The following ORC4 variants were observed in gnomAD, a reference collection of about 807,000 sequenced individuals.
ORC4 encodes the protein origin recognition complex, subunit 4 homolog.
Under a neutral mutation model 63.9 loss-of-function variants are expected in ORC4, and 55 were observed. The ratio of observed to expected loss-of-function variants is 0.86; its 90% CI spans 0.69 to 1.08. The LOEUF (loss-of-function observed/expected upper bound fraction) is 1.08. Ranked by LOEUF, ORC4 falls within the 50% of genes least tolerant of loss-of-function variation. The pLI is 0.00. For missense variants in ORC4, 511 were observed against 504.4 expected (o/e 1.01, Z -0.13); for synonymous variants, 150 against 168.5 (o/e 0.89, Z 0.85).
intron 4 of ORC4, chr2:147,960,291 G>C (rs1309147779): frequency 1.0e-6 from 1 of 984,774 alleles, no homozygotes; most frequent in East Asian, 1.1e-4. Context: ...AATATTTTAT[G>C]GGTTGTGTGT....
intron 4 of ORC4, among the ~76,000 whole-genome samples, chr2:147,964,137 T>C (rs1031887936): frequency 1.3e-5 from 2 of 151,740 alleles, no homozygotes; most frequent in East Asian, 3.9e-4. Flanking sequence ...ATACAGAAAA[T>C]GCCAGAAGAA....
At chr2:147,945,250 C>T (rs1171429372) in intron 9 of ORC4, among the ~76,000 whole-genome samples, 2 of 152,084 alleles carry the variant, frequency 1.3e-5, no homozygotes, top group Non-Finnish European at 2.9e-5. Flanking sequence ...TGACATGATG[C>T]TTCAAAGGTT....
chr2:148,017,685 A>G (rs1024658765), intron 1 of ORC4, among the ~76,000 whole-genome samples: 6 of 152,214 alleles, frequency 3.9e-5, no homozygotes, highest in African/African-American at 1.4e-4. Flanking sequence ...GGGGGAAAAA[A>G]TCTCCAAAAA....
intron 1 of ORC4, among the ~76,000 whole-genome samples, chr2:147,977,669 AC>A (rs1690643264): frequency 1.3e-5 from 2 of 152,186 alleles, no homozygotes; most frequent in African/African-American, 4.8e-5. Flanking sequence ...GGACCTTGTT[AC>A]CAGGGGCTGT....
intron 1 of ORC4, among the ~76,000 whole-genome samples, chr2:147,994,111 A>G (rs2105410741): frequency 6.6e-6 from 1 of 152,330 alleles, no homozygotes; most frequent in Non-Finnish European, 1.5e-5. Flanking sequence ...TACATTAGCA[A>G]CAACAACAAA....
At chr2:148,003,008 T>C (rs951257836) in intron 1 of ORC4, among the ~76,000 whole-genome samples, 1 of 152,170 alleles carries the variant, frequency 6.6e-6, no homozygotes, top group Non-Finnish European at 1.5e-5. Context: ...CTAGAAAATC[T>C]AGAAGAAATG....
intron 4 of ORC4, among the ~76,000 whole-genome samples, chr2:147,972,519 GA>G (rs1690275604): frequency 1.3e-5 from 2 of 151,622 alleles, no homozygotes; most frequent in Admixed American, 6.6e-5. Context: ...AAATAAGGGG[GA>G]AAAAGGTCTG....
chr2:147,950,764 CA>C (rs70992182), intron 8 of ORC4, among the ~76,000 whole-genome samples: 83 of 111,564 alleles, frequency 7.4e-4, no homozygotes, highest in Admixed American at 8.4e-4. Flanking sequence ...GACTCCATCT[CA>C]AAAAAAAAAA....
Position 147,948,063 on chromosome 2 carries a change from A to C in ORC4, c.750T>G (p.Asn250Lys). Reference protein sequence around the residue: ...FPDKVFAEKWNENVQYLSEDR... With the variant: ...FPDKVFAEKWKENVQYLSEDR... ...CCTTTTAAGATACCTGAACATTTTC[A>C]TTCCACTTCTCAGCAAAAACCTTGT... The change falls in exon 9 of 14, where the codon AAT becomes AAG. Residue 250 changes from asparagine to lysine, a missense_variant. Coordinates refer to ENST00000392857, the MANE Select transcript of ORC4 (RefSeq NM_181741.4). The C allele has an allele frequency of 6.2e-7, 1 of 1,611,398 alleles. No individual in the cohort carries two copies. Among genetic ancestry groups the C allele is most frequent in the Non-Finnish European group, 8.5e-7 (1 of 1,177,834 alleles).
At chr2:148,005,462 T>G (rs1692567320) in intron 1 of ORC4, among the ~76,000 whole-genome samples, 1 of 151,590 alleles carries the variant, frequency 6.6e-6, no homozygotes, top group Admixed American at 6.6e-5. Context: ...AGATGACAGG[T>G]TAATGACACG....
intron 8 of ORC4, among the ~76,000 whole-genome samples, chr2:147,950,018 G>A (rs1230726529): frequency 6.6e-6 from 1 of 152,142 alleles, no homozygotes; most frequent in African/African-American, 2.4e-5. Context: ...AGTTTGGGAA[G>A]GTGGACAGGA....
rs55869341 is a variant in ORC4 at position 148,005,656 on chromosome 2, C to CAAAAAA, written c.-18+14971_-18+14976dup. Among the ~76,000 whole-genome samples the CAAAAAA allele has an allele frequency of 6.7e-3, 342 of 51,318 alleles. 2 individuals carry two copies. The highest frequency in any genetic ancestry group is 9.8e-3 in the African/African-American group (126 of 12,818). The allele number at this position is 51,318 out of a possible 152,430, so 33.7% of individuals were successfully genotyped here. On this transcript the variant is annotated intron_variant, in intron 1 of 13. Coordinates refer to ENST00000392857, the MANE Select transcript of ORC4 (RefSeq NM_181741.4). ...ACACCAAACTGAACAACTATCCATG[C>CAAAAAA]AAAAAAAAAAAAAAAAAAAAAAAAC...
chr2:147,977,796 T>A (rs1427934891), intron 1 of ORC4, among the ~76,000 whole-genome samples: 1 of 152,112 alleles, frequency 6.6e-6, no homozygotes, highest in East Asian at 1.9e-4. Context: ...GTGTGGATGG[T>A]TTGGCTTTCT....
intron 1 of ORC4, among the ~76,000 whole-genome samples, chr2:147,980,090 G>A (rs1690786709): frequency 6.6e-6 from 1 of 152,074 alleles, no homozygotes; most frequent in Non-Finnish European, 1.5e-5. Flanking sequence ...TCAATCAACA[G>A]AGTGAAGAGA....
chr2:147,982,094 T>C (rs1690924626), intron 1 of ORC4: 1 of 152,204 alleles, frequency 6.6e-6, no homozygotes, highest in African/African-American at 2.4e-5. Context: ...AATTGAAAAT[T>C]AAATAACAGA....
intron 1 of ORC4, among the ~76,000 whole-genome samples, chr2:147,988,837 A>T (rs1691390531): frequency 6.6e-6 from 1 of 152,140 alleles, no homozygotes; most frequent in African/African-American, 2.4e-5. Flanking sequence ...TTAAAATAAA[A>T]GTAGGAAAGA....
intron 1 of ORC4, 45 bp from the exon 2 acceptor site, chr2:147,976,020 G>C: frequency 1.1e-6 from 1 of 934,666 alleles, no homozygotes; most frequent in Non-Finnish European, 1.8e-6. Flanking sequence ...GTGACTTAAA[G>C]AGATTACTTA....
At chr2:147,944,144 C>T (rs141940137) in intron 9 of ORC4, among the ~76,000 whole-genome samples, 2 of 151,884 alleles carry the variant, frequency 1.3e-5, no homozygotes, top group African/African-American at 4.8e-5. Context: ...AGAATTAAGA[C>T]GTTTATAGGA....
At chr2:147,958,704 T>C in intron 5 of ORC4, 87 bp downstream of exon 5, 1 of 724,826 alleles carries the variant, frequency 1.4e-6, no homozygotes, top group Non-Finnish European at 2.5e-6. Context: ...AAAATCTAAC[T>C]ATTAAAATGG....
Sources: allele counts gnomAD v4.1 joint callset (sites outside exome capture counted in the v4.1 genomes callset), GRCh38; gene constraint gnomAD v4.1.1; transcripts MANE v1.5; gene names NCBI Gene and HGNC (gene_info 2026-07-23, HGNC 2026-07-21).